The following DNHD1 variants were observed in gnomAD, a reference collection of about 807,000 sequenced individuals.
The protein encoded by DNHD1 is dynein heavy chain domain-containing protein 1.
DNHD1 carries 383 observed loss-of-function variants against 458.1 expected under a neutral mutation model. The observed-to-expected ratio is 0.84, with a 90% CI of 0.77 to 0.91. The LOEUF is 0.91. DNHD1 is among the 40% of genes least tolerant of loss of function. The pLI is 0.00. For missense variants in DNHD1, 5,336 were observed against 5,866.1 expected, an observed-to-expected ratio of 0.91 and a Z score of 2.95; for synonymous variants, 2,203 against 2,376.9, an observed-to-expected ratio of 0.93 and a Z score of 2.13.
At chr11:6,518,502 T>A (rs1204356293) in intron 7 of DNHD1, among the ~76,000 whole-genome samples, 1 of 152,224 alleles carries the variant, frequency 6.6e-6, no homozygotes, top group African/African-American at 2.4e-5. Context: ...CTCAGTAGGC[T>A]CTTTCAATGT....
intron 28 of DNHD1, among the ~76,000 whole-genome samples, chr11:6,560,395 A>G (rs1325420282): frequency 6.6e-6 from 1 of 152,230 alleles, no homozygotes; most frequent in Non-Finnish European, 1.5e-5. Context: ...GGAGTTTTAA[A>G]GGTACTGGTG....
rs1250842200 is a variant in DNHD1, at chr11:6,545,922, A to T, written c.4983A>T (p.Leu1661=). The T allele has an allele frequency of 6.4e-7, 1 of 1,551,632 alleles. No individual in the cohort carries two copies. The highest frequency in any genetic ancestry group is 1.4e-5 in the African/African-American group (1 of 73,058). ...ATCTGGGACCTAGACTAGGGCCTCT[A>T]CCCAGCCTACTGCCTGAACGGCCAG... ...YEYLGPRLGP[L]PSLLPERPAL... is the part of the protein sequence containing the mutation. Residue 1661 remains leucine, a synonymous_variant, in exon 21 of 43, where the codon CTA becomes CTT. Coordinates refer to ENST00000254579, the MANE Select transcript of DNHD1 (RefSeq NM_144666.3). The surrounding 1 kb of genome is among the most constrained non-coding windows in gnomAD (Gnocchi z 4.9).
chr11:6,510,472 T>C (rs2555151), intron 6 of DNHD1, among the ~76,000 whole-genome samples: 61,015 of 152,018 alleles, frequency 0.4, 13,170 homozygotes, highest in African/African-American at 0.56. Context: ...ACCCAGTTTG[T>C]AACTTCTGCT....
intron 14 of DNHD1, among the ~76,000 whole-genome samples, chr11:6,537,802 G>A (rs994309277): frequency 3.9e-5 from 6 of 152,160 alleles, no homozygotes; most frequent in Non-Finnish European, 8.8e-5. Flanking sequence ...ATGGTGGTGT[G>A]CGCCTGTATT....
At position 6,568,506 on chromosome 11, in the gene DNHD1, T is replaced by C. The variant is rs756159893; in HGVS notation, c.12591T>C (p.Asn4197=). The change falls in exon 38 of 43, where the codon AAT becomes AAC. Residue 4197 remains asparagine, a synonymous_variant. Coordinates refer to ENST00000254579, the MANE Select transcript of DNHD1 (RefSeq NM_144666.3). ...EQLLDQPESR[N]VSTVHRDFRL... Reference sequence around the variant, plus strand: ...TTTTAGACCAACCTGAAAGCAGGAATGTAAGCACTGTTCACAGAGATTTTC... The same window carrying C: ...TTTTAGACCAACCTGAAAGCAGGAACGTAAGCACTGTTCACAGAGATTTTC... 1.9e-5 allele frequency: 30 copies of C among 1,613,890 alleles called. No homozygotes were observed. In the South Asian group the frequency reaches 2.9e-4, roughly 15 times the overall value.
chr11:6,538,571 G>A (rs1197511020), intron 15 of DNHD1, 41 bp from the exon 16 acceptor site: 1 of 1,550,636 alleles, frequency 6.4e-7, no homozygotes, highest in East Asian at 2.4e-5. Context: ...GGTGGGGGAG[G>A]GGAAGAGTCT....
At chr11:6,501,845 T>C (rs909665082) in intron 3 of DNHD1, among the ~76,000 whole-genome samples, 3 of 152,164 alleles carry the variant, frequency 2.0e-5, no homozygotes, top group Non-Finnish European at 4.4e-5. Context: ...ATAAGAGCAA[T>C]TATACCATTT....
intron 7 of DNHD1, 90 bp from the exon 8 acceptor site, chr11:6,519,510 A>T: frequency 6.9e-7 from 1 of 1,459,114 alleles, no homozygotes; most frequent in Non-Finnish European, 9.4e-7. Flanking sequence ...TAGGTCCCAG[A>T]CTCCAAGACC....
Position 6,539,283 on chromosome 11 carries a change from A to T in DNHD1, c.3390A>T (p.Pro1130=). The T allele has an allele frequency of 6.4e-7, 1 of 1,551,562 alleles. No individual in the cohort carries two copies. Among genetic ancestry groups the T allele is most frequent in the Non-Finnish European group, 8.7e-7 (1 of 1,146,954 alleles). The part of the protein sequence containing the change: ...LLTLGQLLTY[P]LLEFADRINQ... ...CGCTGGGCCAGCTGCTTACTTATCC[A>T]CTGCTGGAGTTTGCAGATCGAATCA... The change falls in exon 17 of 43, where the codon CCA becomes CCT. Residue 1130 remains proline (P), a synonymous_variant. Transcript: ENST00000254579.
At chr11:6,524,875 T>C (rs913473387) in intron 10 of DNHD1, among the ~76,000 whole-genome samples, 4 of 152,142 alleles carry the variant, frequency 2.6e-5, no homozygotes, top group East Asian at 3.9e-4. Context: ...CTAAACAAAA[T>C]AAAACAAAAC....
intron 36 of DNHD1, 62 bp from the exon 37 acceptor site, chr11:6,567,994 G>C (rs1853747774): frequency 1.3e-6 from 2 of 1,487,278 alleles, no homozygotes; most frequent in Non-Finnish European, 1.8e-6. Context: ...CATTAGTTTG[G>C]GTCCCTCGGG....
chr11:6,539,301 T>C lies in DNHD1; in HGVS notation c.3408T>C (p.Asp1136=), dbSNP rs530786819. 3.9e-6 allele frequency: 6 copies of C among 1,551,376 alleles called. No homozygotes were observed. The highest frequency in any genetic ancestry group is 5.2e-6 in the Non-Finnish European group (6 of 1,146,866). Reference sequence around the variant, plus strand: ...CTTATCCACTGCTGGAGTTTGCAGATCGAATCAACCAGGTGGGGCCCTCAG... The same window carrying C: ...CTTATCCACTGCTGGAGTTTGCAGACCGAATCAACCAGGTGGGGCCCTCAG... The part of the protein sequence containing the change: ...LLTYPLLEFA[D]RINQVWQNEN... The change falls in exon 17 of 43, where the codon GAT becomes GAC. Residue 1136 remains aspartate (D), a synonymous_variant. Transcript: ENST00000254579.
intron 14 of DNHD1, among the ~76,000 whole-genome samples, chr11:6,538,065 T>G (rs947331884): frequency 3.3e-5 from 5 of 152,192 alleles, no homozygotes; most frequent in African/African-American, 1.2e-4. Context: ...GGAGGGTGCA[T>G]ATCTGGTGCA....
At chr11:6,513,076 C>T (rs906619211) in intron 7 of DNHD1, among the ~76,000 whole-genome samples, 1 of 152,010 alleles carries the variant, frequency 6.6e-6, no homozygotes, top group African/African-American at 2.4e-5. Flanking sequence ...AAATGCTGGA[C>T]CTGCCATTGT....
At chr11:6,539,132 G>A in intron 16 of DNHD1, 87 bp from the exon 17 acceptor site, 1 of 915,910 alleles carries the variant, frequency 1.1e-6, no homozygotes. Flanking sequence ...GAGCTGGGCT[G>A]GGCTGGGCTG....
At chr11:6,544,075 C>T (rs1159703893) in intron 18 of DNHD1, 46 bp from the exon 19 acceptor site, 13 of 1,549,296 alleles carry the variant, frequency 8.4e-6, no homozygotes, top group African/African-American at 2.7e-5. Context: ...CCCCCAGCCC[C>T]GGCCCTTGCC....
chr11:6,539,990 G>A lies in DNHD1; in HGVS notation c.3535G>A (p.Glu1179Lys), dbSNP rs866910709. 1.2e-5 allele frequency: 18 copies of A among 1,551,578 alleles called. No individual in the cohort carries two copies. The highest frequency in any genetic ancestry group is 3.9e-5 in the Admixed American group (2 of 51,004). ...LLNFILHVPYEPPASERSKRQ... is the reference protein window; with the variant it reads ...LLNFILHVPYKPPASERSKRQ... ...CAACTTCATCCTGCATGTACCCTAC[G>A]AGCCCCCAGCCTCAGAGCGCTCCAA... The change falls in exon 18 of 43, where the codon GAG becomes AAG. Residue 1179 changes from glutamate (E) to lysine (K), a missense_variant. By Grantham distance (56) the Glu-to-Lys change is moderately conservative (BLOSUM62 1). Around this residue, in one of 4 missense-constraint regions of DNHD1, gnomAD observed 3,932 missense variants for 4,365.6 expected, o/e 0.90. Coordinates refer to ENST00000254579, the MANE Select transcript of DNHD1 (RefSeq NM_144666.3).
Position 6,512,424 on chromosome 11 carries a change from G to A in DNHD1, c.1392+995G>A, listed in dbSNP as rs376401076. Among the ~76,000 whole-genome samples, 55 of 151,580 alleles carry A rather than the reference G, an allele frequency of 3.6e-4. No individual in the cohort carries two copies. The East Asian group carries it at 4.5e-3, about 12-fold the overall frequency. On this transcript the variant is annotated intron_variant, in intron 7 of 42. Transcript: ENST00000254579. Reference sequence around the variant, plus strand: ...TTTTTAGTAGAGATGGGGTTTCACTGTGTTAGCCAGGATGGTCTTGATCTC... The same window carrying A: ...TTTTTAGTAGAGATGGGGTTTCACTATGTTAGCCAGGATGGTCTTGATCTC...
chr11:6,503,694 G>T (rs1053980649), intron 4 of DNHD1: 1 of 152,054 alleles, frequency 6.6e-6, no homozygotes, highest in African/African-American at 2.4e-5. Flanking sequence ...TCACTGTGTT[G>T]CCAGGCTGGT....
Sources: allele counts gnomAD v4.1 joint callset (sites outside exome capture counted in the v4.1 genomes callset), GRCh38; gene constraint gnomAD v4.1.1; regional missense constraint gnomAD v4.1.1; non-coding constraint Gnocchi (gnomAD v3.1); transcripts MANE v1.5; gene names NCBI Gene and HGNC (gene_info 2026-07-23, HGNC 2026-07-21).